Variants in TRAP1 observed in about 807,000 individuals in gnomAD.
The protein encoded by TRAP1 is TNF receptor associated protein 1, also known as heat shock protein 75 kDa, mitochondrial.
A neutral mutation model predicts 89.1 loss-of-function variants in TRAP1; 102 were observed. That is an observed-to-expected ratio of 1.15 (90% CI 0.98 to 1.35). The LOEUF is 1.35. Among genes scored for constraint, TRAP1 ranks in the 40% most tolerant of loss-of-function variants. The probability of loss-of-function intolerance (pLI) is 0.00; values close to 1 mark genes in which losing one functional copy is unlikely to be tolerated. For missense variants in TRAP1, 1,256 were observed against 945.3 expected, an observed-to-expected ratio of 1.33 and a Z score of -4.31; for synonymous variants, 508 against 388.0, an observed-to-expected ratio of 1.31 and a Z score of -3.64.
At chr16:3,674,008 C>T (rs1241324333) in intron 9 of TRAP1, among the ~76,000 whole-genome samples, 3 of 152,200 alleles carry the variant, frequency 2.0e-5, no homozygotes, top group Non-Finnish European at 4.4e-5. Context: ...ACTGAGATGC[C>T]CATCAATCCT....
rs1203170680 is a variant in TRAP1, at chr16:3,676,265, C to G, written c.705-120G>C. On this transcript the variant is annotated intron_variant, in intron 6 of 17. Transcript: ENST00000246957. The stretch of plus-strand genomic sequence containing the variant: ...AGCCCAAACAACACACAACACACCT[C>G]AAATGCCCCATTTCTGACCCCAGCG... 5.8e-6 allele frequency: 4 copies of G among 695,560 alleles called. No individual in the cohort carries two copies. The African/African-American group carries it at 7.3e-5, about 13-fold the overall frequency. 43.1% of individuals were successfully genotyped at this position (695,560 alleles called of 1,614,324 possible).
At chr16:3,680,234 CAAA>C (rs894617965) in intron 4 of TRAP1, 4 of 116,338 alleles carry the variant, frequency 3.4e-5, no homozygotes, top group South Asian at 2.8e-4. Context: ...GACTCCATCT[CAAA>C]AAAAAAAAAA....
chr16:3,674,019 T>C (rs2050952373), intron 9 of TRAP1, among the ~76,000 whole-genome samples: 1 of 152,092 alleles, frequency 6.6e-6, no homozygotes. Context: ...CATCAATCCT[T>C]CCCTCGCCAT....
At chr16:3,717,332 C>T (rs1353155665) in intron 1 of TRAP1, 89 bp downstream of exon 1, 2 of 470,470 alleles carry the variant, frequency 4.3e-6, no homozygotes, top group Non-Finnish European at 6.7e-6. Flanking sequence ...GAAGCAGGTG[C>T]CGGCGCCTCG....
chr16:3,671,910 G>T, intron 10 of TRAP1, 119 bp from the exon 11 acceptor site: 1 of 1,053,342 alleles, frequency 9.5e-7, no homozygotes, highest in Non-Finnish European at 1.4e-6. Context: ...TGTGCTAAGA[G>T]GGAAGCAGGG....
intron 15 of TRAP1, 72 bp from the exon 16 acceptor site, chr16:3,662,204 G>A: frequency 6.5e-7 from 1 of 1,549,502 alleles, no homozygotes; most frequent in African/African-American, 1.4e-5. Context: ...TCTTACCAGG[G>A]GTGAAGGTCA....
intron 17 of TRAP1, 25 bp downstream of exon 17, chr16:3,658,768 A>G (rs1448621082): frequency 6.2e-7 from 1 of 1,608,824 alleles, no homozygotes; most frequent in South Asian, 1.1e-5. Context: ...GGGTCCCTGC[A>G]GTCATCCTAA....
At position 3,676,126 on chromosome 16, in the gene TRAP1, C is replaced by T. The variant is rs780875857; in HGVS notation, c.724G>A (p.Ala242Thr). 4.0e-5 allele frequency: 64 copies of T among 1,613,652 alleles called. No individual in the cohort carries two copies. The highest frequency in any genetic ancestry group is 3.3e-4 in the Middle Eastern group (2 of 6,078). Residue 242 changes from alanine to threonine, a missense_variant, in exon 7 of 18, where the codon GCC becomes ACC. Transcript: ENST00000246957. Reference protein sequence around the residue: ...LSDGSGVFEIAEASGVRTGTK... With the variant: ...LSDGSGVFEITEASGVRTGTK... The stretch of plus-strand genomic sequence containing the variant: ...CCGGTTCTAACTCCCGAAGCTTCGG[C>T]GATTTCAAACACTCCAGAACTAAGG...
At position 3,665,831 on chromosome 16, in the gene TRAP1, C is replaced by G. The variant is rs574878717; in HGVS notation, c.1383+140G>C. 1.7e-5 allele frequency: 19 copies of G among 1,116,228 alleles called. No individual in the cohort carries two copies. In the East Asian group the frequency reaches 4.7e-4, roughly 28 times the overall value. 69.1% of individuals were successfully genotyped at this position (1,116,228 alleles called of 1,614,324 possible). On this transcript the variant is annotated intron_variant, in intron 12 of 17. Transcript: ENST00000246957. ...GGCCCAGAAGCCTGGCCTTCCATTT[C>G]CTGACCCTGGTGGCAGCAGCAGCAG...
At chr16:3,667,552 G>T (rs1158904363) in intron 11 of TRAP1, among the ~76,000 whole-genome samples, 1 of 151,304 alleles carries the variant, frequency 6.6e-6, no homozygotes, top group East Asian at 2.0e-4. Flanking sequence ...TTGAATCCGG[G>T]AGGCAGAGGT....
chr16:3,711,656 G>GT (rs1315828827), intron 1 of TRAP1, among the ~76,000 whole-genome samples: 6 of 151,930 alleles, frequency 3.9e-5, no homozygotes, highest in Non-Finnish European at 7.4e-5. Context: ...ACAGGTGGCA[G>GT]TAATACTCCC....
chr16:3,669,561 G>A (rs571001109), intron 11 of TRAP1, among the ~76,000 whole-genome samples: 32 of 152,176 alleles, frequency 2.1e-4, no homozygotes, highest in African/African-American at 5.3e-4. Flanking sequence ...CAGGCCAGGC[G>A]CGGTGGCTCA....
At chr16:3,677,324 T>C (rs112052081) in intron 6 of TRAP1, among the ~76,000 whole-genome samples, 174 bp downstream of exon 6, 17 of 152,212 alleles carry the variant, frequency 1.1e-4, no homozygotes, top group African/African-American at 4.1e-4. Flanking sequence ...ACAGGTGCCA[T>C]AGGCCACCTG....
intron 12 of TRAP1, among the ~76,000 whole-genome samples, chr16:3,665,639 C>T (rs1173586515): frequency 1.3e-5 from 2 of 152,206 alleles, no homozygotes; most frequent in Admixed American, 1.3e-4. Flanking sequence ...CTTGTCCCAC[C>T]TGTCTGTGGC....
chr16:3,675,884 G>T, intron 7 of TRAP1, 152 bp downstream of exon 7: 1 of 677,262 alleles, frequency 1.5e-6, no homozygotes, highest in Non-Finnish European at 2.4e-6. Context: ...CTGGCGGGCA[G>T]CCCCCCTCCC....
chr16:3,690,944 C>G lies in TRAP1; in HGVS notation c.130G>C (p.Gly44Arg). The G allele has an allele frequency of 6.3e-7, 1 of 1,579,594 alleles. No individual in the cohort carries two copies. The highest frequency in any genetic ancestry group is 8.6e-7 in the Non-Finnish European group (1 of 1,164,462). ...CTCCAGGCTGGGTTTCGCCTGGGGC[C>G]CAACTGGGCTGTGGTCCTCCGAGGA... is the stretch of plus-strand genomic sequence containing the variant. ...LCPRRTTAQL[G>R]PRRNPAWSLQ... The change falls in exon 2 of 18, where the codon GGC becomes CGC. Residue 44 changes from glycine to arginine, a missense_variant. Transcript: ENST00000246957.
At chr16:3,662,690 C>G (rs566757082) in intron 15 of TRAP1, 192 bp downstream of exon 15, 8 of 697,446 alleles carry the variant, frequency 1.1e-5, no homozygotes, top group African/African-American at 7.0e-5. Flanking sequence ...GAGAAAGACA[C>G]GGCCTTCCTG....
At chr16:3,665,843 GGCAGCA>G (rs577251188) in intron 12 of TRAP1, 122 bp downstream of exon 12, 9 of 1,205,640 alleles carry the variant, frequency 7.5e-6, no homozygotes, top group African/African-American at 1.5e-5. Context: ...TGACCCTGGT[GGCAGCA>G]GCAGCAGCAG....
intron 13 of TRAP1, chr16:3,663,838 C>A: frequency 2.3e-6 from 1 of 442,362 alleles, no homozygotes; most frequent in Non-Finnish European, 4.1e-6. Flanking sequence ...CTTTGGGAGG[C>A]CAAAGCAGGC....
Sources: allele counts gnomAD v4.1 joint callset (sites outside exome capture counted in the v4.1 genomes callset), GRCh38; gene constraint gnomAD v4.1.1; transcripts MANE v1.5; gene names NCBI Gene and HGNC (gene_info 2026-07-23, HGNC 2026-07-21).